The following ZSWIM5 variants were observed in gnomAD, a reference collection of about 807,000 sequenced individuals.
ZSWIM5 encodes the protein zinc finger SWIM domain-containing protein 5.
Under a neutral mutation model 119.6 loss-of-function variants are expected in ZSWIM5, and 55 were observed. The ratio of observed to expected loss-of-function variants is 0.46; its 90% CI spans 0.37 to 0.58. The LOEUF (loss-of-function observed/expected upper bound fraction) is 0.58. ZSWIM5 is among the 20% of genes least tolerant of loss of function. The probability of loss-of-function intolerance (pLI) is 0.00; values close to 1 mark genes in which losing one functional copy is unlikely to be tolerated. For synonymous variants in ZSWIM5, 537 were observed against 606.9 expected (o/e 0.88, Z 1.69); for missense variants, 1,193 against 1,512.8 (o/e 0.79, Z 3.51).
In ZSWIM5 at chr1:45,206,340, C is replaced by T. The variant is rs1646191454; in HGVS notation, c.11G>A (p.Gly4Glu). 6.8e-7 allele frequency: 1 copy of T among 1,479,810 alleles called. No individual in the cohort carries two copies. The allele number at this position is 1,479,810 out of a possible 1,614,324, so 91.7% of individuals were successfully genotyped here. MAD[G>E]GEREELLSPS... ...CGAGAGCAGCTCCTCTCGCTCACCT[C>T]CGTCCGCCATTGCTGGGGACTGACT... is the stretch of plus-strand genomic sequence containing the variant. The change falls in exon 1 of 14, where the codon GGA becomes GAA. Residue 4 changes from glycine to glutamate, a missense_variant. Coordinates refer to ENST00000359600, the MANE Select transcript of ZSWIM5 (RefSeq NM_020883.2).
intron 5 of ZSWIM5, among the ~76,000 whole-genome samples, chr1:45,044,787 ATAAATAT>A: frequency 3.3e-4 from 1 of 3,034 alleles, no homozygotes; most frequent in Non-Finnish European, 6.4e-4. Context: ...ATATATATAT[ATAAATAT>A]ATATATATAA....
intron 1 of ZSWIM5, among the ~76,000 whole-genome samples, chr1:45,147,115 C>T (rs1021640717): frequency 2.0e-5 from 3 of 151,110 alleles, no homozygotes; most frequent in African/African-American, 7.3e-5. Context: ...CACTCTGTTG[C>T]CCAGGCTGGA....
chr1:45,052,509 C>T (rs1165237033), intron 4 of ZSWIM5, among the ~76,000 whole-genome samples: 1 of 152,154 alleles, frequency 6.6e-6, no homozygotes, highest in African/African-American at 2.4e-5. Context: ...GTGGCTCACA[C>T]TTATAATCCC....
chr1:45,082,676 A>G (rs541157500), intron 2 of ZSWIM5, among the ~76,000 whole-genome samples: 2 of 152,376 alleles, frequency 1.3e-5, no homozygotes, highest in African/African-American at 4.8e-5. Flanking sequence ...GAAAGCTAAT[A>G]TAAGTATGGG....
Position 45,020,110 on chromosome 1 carries a change from C to T in ZSWIM5, c.2651G>A (p.Arg884His), listed in dbSNP as rs768308725. The T allele has an allele frequency of 7.4e-6, 12 of 1,614,128 alleles. No homozygotes were observed. Among genetic ancestry groups the T allele is most frequent in the South Asian group, 1.1e-5 (1 of 91,086 alleles). Residue 884 changes from arginine to histidine, a missense_variant, in exon 13 of 14, where the codon CGC (arginine) becomes CAC (histidine). Physicochemically the swap from Arg to His is conservative, Grantham distance 29. This residue lies in a region of ZSWIM5 where 961 missense variants were observed against 1,290.0 expected (regional missense o/e 0.74). Coordinates refer to ENST00000359600, the MANE Select transcript of ZSWIM5 (RefSeq NM_020883.2). ...CACCAACCATCGTACCATCTCCCTGCGTCTCCAGTTAAGGGTTGATAAGGT... is the reference window on the plus strand; with the variant it reads ...CACCAACCATCGTACCATCTCCCTGTGTCTCCAGTTAAGGGTTGATAAGGT... ...RMTLSTLNWR[R>H]REMVRWLVTC...
intron 1 of ZSWIM5, among the ~76,000 whole-genome samples, chr1:45,099,177 G>T (rs1200755414): frequency 6.6e-6 from 1 of 151,938 alleles, no homozygotes; most frequent in Non-Finnish European, 1.5e-5. Flanking sequence ...AGAAAAGAGA[G>T]AAGAATCAAA....
chr1:45,070,699 T>G (rs1400992207), intron 2 of ZSWIM5, among the ~76,000 whole-genome samples: 5 of 152,238 alleles, frequency 3.3e-5, no homozygotes, highest in African/African-American at 1.2e-4. Flanking sequence ...TCCACAGTAT[T>G]CCACACTGTT....
chr1:45,163,646 G>A (rs1570168379), intron 1 of ZSWIM5, among the ~76,000 whole-genome samples: 1 of 152,326 alleles, frequency 6.6e-6, no homozygotes, highest in East Asian at 1.9e-4. Flanking sequence ...TGATGGAGCT[G>A]AAAACCATGG....
At chr1:45,081,545 G>A (rs1317789656) in intron 2 of ZSWIM5, among the ~76,000 whole-genome samples, 8 of 152,176 alleles carry the variant, frequency 5.3e-5, no homozygotes, top group Admixed American at 1.3e-4. Flanking sequence ...GCTCCTAACC[G>A]CGAGTGATCC....
At position 45,039,125 on chromosome 1, in the gene ZSWIM5, C is replaced by G. The variant is rs377187607; in HGVS notation, c.1757-52G>C. ...GACAGTGATAGAGACAAACTGCTGT[C>G]TGTCCCTGCCTGGGTCTTCTTATCA... On this transcript the variant is annotated intron_variant, in intron 7 of 13. Transcript: ENST00000359600. 2.6e-5 allele frequency: 41 copies of G among 1,596,904 alleles called. No individual in the cohort carries two copies. In the African/African-American group the frequency reaches 5.5e-4, roughly 21 times the overall value.
At chr1:45,115,246 G>A (rs1239517033) in intron 1 of ZSWIM5, among the ~76,000 whole-genome samples, 4 of 146,178 alleles carry the variant, frequency 2.7e-5, no homozygotes, top group African/African-American at 7.7e-5. Context: ...CCCACCTCCC[G>A]GGCGAGGTGG....
chr1:45,129,872 G>A (rs933093820), intron 1 of ZSWIM5, among the ~76,000 whole-genome samples: 2 of 151,946 alleles, frequency 1.3e-5, no homozygotes, highest in African/African-American at 2.4e-5. Context: ...CCCTAGACTT[G>A]ACACCAAAAA....
At chr1:45,060,291 T>C (rs1570041400) in intron 2 of ZSWIM5, 44 bp from the exon 3 acceptor site, 1 of 1,597,340 alleles carries the variant, frequency 6.3e-7, no homozygotes, top group African/African-American at 1.3e-5. Flanking sequence ...TGAGTTCACA[T>C]GCTACACATT....
intron 2 of ZSWIM5, among the ~76,000 whole-genome samples, chr1:45,082,197 CGCAGGG>C (rs1222572792): frequency 3.8e-4 from 57 of 151,716 alleles, no homozygotes; most frequent in African/African-American, 1.1e-3. Flanking sequence ...TGCGGAAGGC[CGCAGGG>C]TCCTCTGCCT....
intron 1 of ZSWIM5, among the ~76,000 whole-genome samples, chr1:45,186,464 A>G (rs1646059496): frequency 6.6e-6 from 1 of 151,768 alleles, no homozygotes. Flanking sequence ...AAAAAATGAT[A>G]CGGTATAAAA....
At position 45,024,488 on chromosome 1, in the gene ZSWIM5, G is replaced by A. The variant is rs184996580; in HGVS notation, c.2450-3700C>T. ...ATTACAGGCGTGAGCCACTGAGCCC[G>A]GCCTCTTTACAGTTTTTCATGGGTT... On this transcript the variant is annotated intron_variant, in intron 11 of 13. Coordinates refer to ENST00000359600, the MANE Select transcript of ZSWIM5 (RefSeq NM_020883.2). Among the ~76,000 whole-genome samples the A allele has an allele frequency of 1.6e-4, 24 of 151,812 alleles. No individual in the cohort carries two copies. The East Asian group carries it at 2.9e-3, about 18-fold the overall frequency.
At chr1:45,144,585 T>C in intron 1 of ZSWIM5, among the ~76,000 whole-genome samples, 1 of 152,100 alleles carries the variant, frequency 6.6e-6, no homozygotes, top group East Asian at 1.9e-4. Context: ...ATCAATTCAA[T>C]GAAGCGAGGA....
intron 1 of ZSWIM5, among the ~76,000 whole-genome samples, chr1:45,122,226 CTA>C (rs1411984757): frequency 6.6e-6 from 1 of 152,218 alleles, no homozygotes; most frequent in Admixed American, 6.5e-5. Flanking sequence ...CACTCAACAG[CTA>C]TATGTCTTGA....
intron 1 of ZSWIM5, among the ~76,000 whole-genome samples, chr1:45,186,604 T>C (rs939564594): frequency 6.6e-6 from 1 of 151,916 alleles, no homozygotes; most frequent in African/African-American, 2.4e-5. Context: ...TTTATTTATT[T>C]ATTTATTTAT....
Sources: gnomAD v4.1 joint callset for allele counts (sites outside exome capture counted in the v4.1 genomes callset) on GRCh38, gnomAD v4.1.1 for gene constraint, gnomAD v4.1.1 regional missense constraint, MANE v1.5 for transcripts, NCBI Gene and HGNC (gene_info 2026-07-23, HGNC 2026-07-21) for gene names.